CCSER1: variants seen among roughly 807,000 people sequenced by gnomAD.
CCSER1 encodes coiled-coil serine rich protein 1.
Under a neutral mutation model 82.0 loss-of-function variants are expected in CCSER1, and 41 were observed. The observed-to-expected ratio is 0.50, with a 90% confidence interval of 0.39 to 0.65. The LOEUF is 0.65. CCSER1 is among the 30% of genes least tolerant of loss of function. CCSER1 has a pLI of 0.00. For synonymous variants in CCSER1, 414 were observed against 383.9 expected, an observed-to-expected ratio of 1.08 and a Z score of -0.92; for missense variants, 1,119 against 1,064.2, an observed-to-expected ratio of 1.05 and a Z score of -0.72.
At chr4:90,367,554 G>A (rs981233447) in intron 3 of CCSER1, among the ~76,000 whole-genome samples, 3 of 151,488 alleles carry the variant, frequency 2.0e-5, no homozygotes, top group African/African-American at 7.3e-5. Flanking sequence ...AGTAAAGGAA[G>A]AAAGAATTTA....
intron 9 of CCSER1, among the ~76,000 whole-genome samples, chr4:91,078,344 C>T (rs1184109572): frequency 6.6e-6 from 1 of 152,184 alleles, no homozygotes; most frequent in Non-Finnish European, 1.5e-5. Context: ...CAAACTCCAA[C>T]AGACCTGCAG....
chr4:90,506,472 T>C (rs372052190), intron 5 of CCSER1, among the ~76,000 whole-genome samples: 2 of 152,260 alleles, frequency 1.3e-5, no homozygotes, highest in Non-Finnish European at 2.9e-5. Flanking sequence ...CATTTAAATA[T>C]TAACTTTAGG....
intron 7 of CCSER1, among the ~76,000 whole-genome samples, chr4:90,813,657 T>G (rs1758633226): frequency 6.6e-6 from 1 of 152,202 alleles, no homozygotes; most frequent in African/African-American, 2.4e-5. Context: ...CTCTTGCCAC[T>G]GCCATGTAAG....
intron 10 of CCSER1, among the ~76,000 whole-genome samples, chr4:91,381,249 A>G (rs1394332480): frequency 6.6e-6 from 1 of 152,046 alleles, no homozygotes; most frequent in African/African-American, 2.4e-5. Flanking sequence ...CTCGAGGAGT[A>G]TCTTTGTGGC....
At chr4:90,701,577 G>A (rs1283379506) in intron 6 of CCSER1, among the ~76,000 whole-genome samples, 1 of 152,182 alleles carries the variant, frequency 6.6e-6, no homozygotes, top group Non-Finnish European at 1.5e-5. Context: ...ACCTTGGGCA[G>A]TATGGCCATT....
At chr4:91,249,558 T>A (rs1740090027) in intron 10 of CCSER1, among the ~76,000 whole-genome samples, 1 of 152,126 alleles carries the variant, frequency 6.6e-6, no homozygotes, top group African/African-American at 2.4e-5. Context: ...CTTATCACTG[T>A]TAGCAGACCA....
chr4:90,800,689 G>A (rs1396541982), intron 7 of CCSER1, among the ~76,000 whole-genome samples: 7 of 151,944 alleles, frequency 4.6e-5, no homozygotes, highest in East Asian at 1.9e-4. Context: ...AGCGACTTAT[G>A]TCTTAAATAT....
intron 8 of CCSER1, among the ~76,000 whole-genome samples, chr4:90,869,141 C>A (rs755572629): frequency 1.3e-5 from 2 of 151,994 alleles, no homozygotes; most frequent in Non-Finnish European, 2.9e-5. Flanking sequence ...AATATTTTCT[C>A]CCATTCTGTA....
intron 10 of CCSER1, among the ~76,000 whole-genome samples, chr4:91,116,059 A>C (rs1448359807): frequency 6.6e-6 from 1 of 151,626 alleles, no homozygotes; most frequent in African/African-American, 2.4e-5. Context: ...CCTGTGTCCA[A>C]GTGTTCTCAT....
chr4:90,949,192 AT>A (rs1732616356), intron 9 of CCSER1, among the ~76,000 whole-genome samples: 1 of 151,980 alleles, frequency 6.6e-6, no homozygotes, highest in African/African-American at 2.4e-5. Context: ...GCTTCCTTTT[AT>A]TAATTTTTGT....
At chr4:90,666,167 CA>C (rs1266077268) in intron 6 of CCSER1, among the ~76,000 whole-genome samples, 5 of 151,560 alleles carry the variant, frequency 3.3e-5, no homozygotes, top group Admixed American at 6.6e-5. Context: ...ACGTTAGATG[CA>C]AAAAAAACTT....
chr4:90,269,616 TAAAG>T (rs1324114331), intron 1 of CCSER1, among the ~76,000 whole-genome samples: 2 of 151,678 alleles, frequency 1.3e-5, no homozygotes, highest in African/African-American at 2.4e-5. Context: ...CAGTGCATCT[TAAAG>T]AACTGGAAAA....
intron 10 of CCSER1, among the ~76,000 whole-genome samples, chr4:91,549,776 A>G (rs1209466577): frequency 6.6e-6 from 1 of 152,150 alleles, no homozygotes; most frequent in African/African-American, 2.4e-5. Context: ...TGGAGGTTGC[A>G]GTGAGCCAAG....
At chr4:90,931,627 C>A (rs143721401) in intron 9 of CCSER1, among the ~76,000 whole-genome samples, 1 of 152,206 alleles carries the variant, frequency 6.6e-6, no homozygotes, top group East Asian at 1.9e-4. Flanking sequence ...CATGGTAGAG[C>A]TTTTGTTTCA....
intron 5 of CCSER1, among the ~76,000 whole-genome samples, chr4:90,564,247 G>T (rs539879529): frequency 6.6e-6 from 1 of 151,962 alleles, no homozygotes; most frequent in Non-Finnish European, 1.5e-5. Context: ...TAGAGATGGG[G>T]GTCTCACTAT....
chr4:91,068,001 A>G (rs1489245741), intron 9 of CCSER1, among the ~76,000 whole-genome samples: 3 of 152,190 alleles, frequency 2.0e-5, no homozygotes, highest in Non-Finnish European at 2.9e-5. Context: ...AGACATAGCC[A>G]TGGAATTTAT....
chr4:90,511,678 A>T (rs1771533753), intron 5 of CCSER1, among the ~76,000 whole-genome samples: 1 of 152,226 alleles, frequency 6.6e-6, no homozygotes, highest in Non-Finnish European at 1.5e-5. Flanking sequence ...ATAATAAAAG[A>T]TGAAAGATTT....
At chr4:90,287,284 TAA>T (rs1360598605) in intron 1 of CCSER1, among the ~76,000 whole-genome samples, 2 of 152,054 alleles carry the variant, frequency 1.3e-5, no homozygotes, top group Middle Eastern at 3.4e-3. Context: ...GTAAAATGTA[TAA>T]GTTACTTTAT....
chr4:90,541,477 G>A (rs563957060), intron 5 of CCSER1, among the ~76,000 whole-genome samples: 2 of 152,196 alleles, frequency 1.3e-5, no homozygotes, highest in Admixed American at 1.3e-4. Context: ...CTGATCTGGA[G>A]CAAGTTACTT....
Sources: gnomAD v4.1 joint callset for allele counts (sites outside exome capture counted in the v4.1 genomes callset) on GRCh38, gnomAD v4.1.1 for gene constraint, MANE v1.5 for transcripts, NCBI Gene and HGNC (gene_info 2026-07-23, HGNC 2026-07-21) for gene names.